The following ADAMTS5 variants were observed in gnomAD, a reference collection of about 807,000 sequenced individuals.
The protein encoded by ADAMTS5 is ADAM metallopeptidase with thrombospondin type 1 motif 5, also known as A disintegrin and metalloproteinase with thrombospondin motifs 5.
ADAMTS5 carries 54 observed loss-of-function variants against 81.4 expected under a neutral mutation model. That is an observed-to-expected ratio of 0.66 (90% CI 0.53 to 0.83). The LOEUF is 0.83. Among genes scored for constraint, ADAMTS5 ranks in the 40% least tolerant of loss-of-function variants. The pLI is 0.00. For missense variants in ADAMTS5, 1,194 were observed against 1,229.9 expected (o/e 0.97, Z 0.44); for synonymous variants, 532 against 508.8 (o/e 1.05, Z -0.61).
chr21:26,931,019 A>G (rs1303849330), intron 6 of ADAMTS5, among the ~76,000 whole-genome samples: 2 of 152,152 alleles, frequency 1.3e-5, no homozygotes, highest in African/African-American at 4.8e-5. Flanking sequence ...TTTCAATAAC[A>G]TATTATAAAT....
At chr21:26,945,952 G>A (rs963605224) in intron 2 of ADAMTS5, among the ~76,000 whole-genome samples, 1 of 152,166 alleles carries the variant, frequency 6.6e-6, no homozygotes, top group African/African-American at 2.4e-5. Context: ...AACTGAAAGA[G>A]ATCGACTCTT....
At position 26,965,800 on chromosome 21, in the gene ADAMTS5, A is replaced by C. The variant is rs764815460; in HGVS notation, c.592T>G (p.Phe198Val). ...RILHVYTREG[F>V]SFEALPPRAS... Reference sequence around the variant, plus strand: ...CGCGGCGGCAGGGCCTCGAAGCTGAAGCCCTCGCGGGTGTAGACGTGCAGG... The same window carrying C: ...CGCGGCGGCAGGGCCTCGAAGCTGACGCCCTCGCGGGTGTAGACGTGCAGG... Residue 198 changes from phenylalanine to valine, a missense_variant, in exon 1 of 8, where the codon TTC becomes GTC. Physicochemically the swap from Phe to Val is conservative, Grantham distance 50. Coordinates refer to ENST00000284987, the MANE Select transcript of ADAMTS5 (RefSeq NM_007038.5). The C allele has an allele frequency of 3.1e-6, 5 of 1,606,026 alleles. No individual in the cohort carries two copies. Among genetic ancestry groups the C allele is most frequent in the Non-Finnish European group, 3.4e-6 (4 of 1,176,360 alleles).
intron 1 of ADAMTS5, among the ~76,000 whole-genome samples, chr21:26,964,011 T>C (rs1487940081): frequency 6.6e-6 from 1 of 152,132 alleles, no homozygotes; most frequent in Non-Finnish European, 1.5e-5. Context: ...TTAGTAAAAA[T>C]AGAAGAATTA....
chr21:26,954,931 A>G, intron 1 of ADAMTS5, 60 bp from the exon 2 acceptor site: 1 of 1,593,916 alleles, frequency 6.3e-7, no homozygotes, highest in Non-Finnish European at 8.6e-7. Context: ...GAGCCGCCAC[A>G]TAGAGCCACT....
At chr21:26,942,704 C>G (rs1220316761) in intron 3 of ADAMTS5, among the ~76,000 whole-genome samples, 1 of 152,130 alleles carries the variant, frequency 6.6e-6, no homozygotes, top group African/African-American at 2.4e-5. Flanking sequence ...ATTTACAGCA[C>G]TGATCCTAGT....
At chr21:26,927,870 G>A (rs1303362009) in intron 7 of ADAMTS5, among the ~76,000 whole-genome samples, 1 of 152,026 alleles carries the variant, frequency 6.6e-6, no homozygotes, top group African/African-American at 2.4e-5. Context: ...AGATTCTGGA[G>A]ATGTGGTGGA....
intron 2 of ADAMTS5, among the ~76,000 whole-genome samples, chr21:26,950,927 C>T (rs549554533): frequency 1.8e-4 from 28 of 152,156 alleles, no homozygotes; most frequent in Admixed American, 3.3e-4. Context: ...GTAATCATAG[C>T]TCATTTTATC....
chr21:26,934,757 A>G lies in ADAMTS5; in HGVS notation c.1406-8T>C, dbSNP rs563098029. On this transcript the variant is annotated splice_region_variant and splice_polypyrimidine_tract_variant and intron_variant, in intron 3 of 7. Transcript: ENST00000284987. The stretch of plus-strand genomic sequence containing the variant: ...GGTCCAGCAAACAGTTACCTACAAG[A>G]ATAACTGAGATTGACCACGGCTCTG... The G allele has an allele frequency of 3.1e-5, 50 of 1,612,432 alleles. No individual in the cohort carries two copies. Among genetic ancestry groups the G allele is most frequent in the Non-Finnish European group, 4.0e-5 (47 of 1,178,666 alleles).
intron 2 of ADAMTS5, among the ~76,000 whole-genome samples, chr21:26,947,409 T>C (rs1350562339): frequency 2.6e-5 from 4 of 152,020 alleles, no homozygotes; most frequent in South Asian, 2.1e-4. Flanking sequence ...CTCAGAACTA[T>C]ATTTATTTTC....
At chr21:26,956,630 G>A (rs1312144131) in intron 1 of ADAMTS5, among the ~76,000 whole-genome samples, 1 of 152,146 alleles carries the variant, frequency 6.6e-6, no homozygotes, top group African/African-American at 2.4e-5. Flanking sequence ...TAAGGGAGCT[G>A]CTAGACACTC....
chr21:26,966,020 C>G lies in ADAMTS5; in HGVS notation c.372G>C (p.Trp124Cys). The G allele has an allele frequency of 6.2e-7, 1 of 1,613,048 alleles. No individual in the cohort carries two copies. Among genetic ancestry groups the G allele is most frequent in the Non-Finnish European group, 8.5e-7 (1 of 1,179,874 alleles). Residue 124 changes from tryptophan (W) to cysteine (C), a missense_variant, in exon 1 of 8, where the codon TGG becomes TGC. Trp to Cys is a radical substitution (Grantham distance 215). Around this residue, in one of 2 missense-constraint regions of ADAMTS5, gnomAD observed 498 missense variants for 412.3 expected, o/e 1.21. Coordinates refer to ENST00000284987, the MANE Select transcript of ADAMTS5 (RefSeq NM_007038.5). ...GATAGAAGCAGTGGCTCCGGTGGCGCCAGGGCGCACTCGTCCCGCCTCCTG... is the reference window on the plus strand; with the variant it reads ...GATAGAAGCAGTGGCTCCGGTGGCGGCAGGGCGCACTCGTCCCGCCTCCTG... Reference protein sequence around the residue: ...VPAGGGTSAPWRHRSHCFYRG... With the variant: ...VPAGGGTSAPCRHRSHCFYRG...
rs201425408 is a variant in ADAMTS5 at position 26,965,239 on chromosome 21, C to T, written c.1104+49G>A. On this transcript the variant is annotated intron_variant, in intron 1 of 7. Transcript: ENST00000284987. Reference sequence around the variant, plus strand: ...AGCCACCAGCAAGATTCCCTTCTACCTACCTCCTGATATCAGCGCTGGGAC... The same window carrying T: ...AGCCACCAGCAAGATTCCCTTCTACTTACCTCCTGATATCAGCGCTGGGAC... 775 of 1,560,108 alleles carry T rather than the reference C, an allele frequency of 5.0e-4. 5 individuals carry two copies. The South Asian group carries it at 8.1e-3, about 16-fold the overall frequency.
At chr21:26,953,348 G>T (rs886838511) in intron 2 of ADAMTS5, among the ~76,000 whole-genome samples, 1 of 152,142 alleles carries the variant, frequency 6.6e-6, no homozygotes, top group Non-Finnish European at 1.5e-5. Flanking sequence ...AATTATTTAC[G>T]TTTAGGTTTT....
chr21:26,921,414 T>G lies in ADAMTS5; in HGVS notation c.*2639A>C, dbSNP rs1459544080. 1.3e-5 allele frequency: 2 copies of G among 151,790 alleles called. No homozygotes were observed. The highest frequency in any genetic ancestry group is 2.9e-5 in the Non-Finnish European group (2 of 67,852). 9.4% of individuals were successfully genotyped at this position (151,790 alleles called of 1,614,324 possible). ...GCTTAGTTATGTAAGTGAGATTAGA[T>G]TCTTACAAACCTGAGCATTTTCAGA... On this transcript the variant is annotated 3_prime_UTR_variant, in exon 8 of 8. Transcript: ENST00000284987.
intron 7 of ADAMTS5, among the ~76,000 whole-genome samples, chr21:26,926,437 CTG>C (rs1350086916): frequency 1.3e-5 from 2 of 152,180 alleles, no homozygotes; most frequent in African/African-American, 4.8e-5. Context: ...CTTTGGGAGA[CTG>C]AGGCAAGGGG....
At position 26,954,807 on chromosome 21, in the gene ADAMTS5, G is replaced by A; in HGVS notation, c.1169C>T (p.Pro390Leu). The A allele has an allele frequency of 1.2e-6, 2 of 1,614,092 alleles. No homozygotes were observed. Among genetic ancestry groups the A allele is most frequent in the Non-Finnish European group, 8.5e-7 (1 of 1,179,994 alleles). The change falls in exon 2 of 8, where the codon CCA (proline) becomes CTA (leucine). Residue 390 changes from proline (P) to leucine (L), a missense_variant. Transcript: ENST00000284987. ...TTCAATCACAGCACAGCTGCGCTCT[G>A]GAGAACATATGGTCCCAACGTCTGC... is the stretch of plus-strand genomic sequence containing the variant. Reference protein sequence around the residue: ...GMADVGTICSPERSCAVIEDD... With the variant: ...GMADVGTICSLERSCAVIEDD...
intron 1 of ADAMTS5, among the ~76,000 whole-genome samples, chr21:26,962,546 A>T (rs1246687350): frequency 1.3e-5 from 2 of 152,248 alleles, no homozygotes; most frequent in Non-Finnish European, 1.5e-5. Flanking sequence ...AGGTGGCCTC[A>T]GCTAGTAAAC....
chr21:26,926,132 A>T (rs1380912776), intron 7 of ADAMTS5, among the ~76,000 whole-genome samples: 2 of 152,158 alleles, frequency 1.3e-5, no homozygotes, highest in African/African-American at 2.4e-5. Flanking sequence ...TTAGCCAGGG[A>T]TGGTGGCGCA....
At chr21:26,941,380 A>C (rs9982674) in intron 3 of ADAMTS5, among the ~76,000 whole-genome samples, 8,698 of 113,766 alleles carry the variant, frequency 0.076, 318 homozygotes, top group Middle Eastern at 0.12. Context: ...TGGAACAGAA[A>C]CAGATATAAA....
Sources: gnomAD v4.1 joint callset for allele counts (sites outside exome capture counted in the v4.1 genomes callset) on GRCh38, gnomAD v4.1.1 for gene constraint, gnomAD v4.1.1 regional missense constraint, MANE v1.5 for transcripts, NCBI Gene and HGNC (gene_info 2026-07-23, HGNC 2026-07-21) for gene names.